Variants in GABRP observed in about 807,000 individuals in gnomAD.
GABRP encodes gamma-aminobutyric acid receptor subunit pi.
A neutral mutation model predicts 47.8 loss-of-function variants in GABRP; 52 were observed. The ratio of observed to expected loss-of-function variants is 1.09; its 90% CI spans 0.87 to 1.37. The LOEUF (loss-of-function observed/expected upper bound fraction) is 1.37, where lower values mean the gene tolerates loss of function less well. Ranked by LOEUF, GABRP falls within the 40% of genes most tolerant of loss-of-function variation. GABRP has a pLI of 0.00. For missense variants in GABRP, 525 were observed against 542.8 expected (o/e 0.97, Z 0.33); for synonymous variants, 221 against 205.8 (o/e 1.07, Z -0.63).
intron 3 of GABRP, among the ~76,000 whole-genome samples, chr5:170,792,154 T>C (rs1334285337): frequency 6.6e-6 from 1 of 152,142 alleles, no homozygotes; most frequent in African/African-American, 2.4e-5. Flanking sequence ...TGTGAAACTG[T>C]AGCATAGGCC....
chr5:170,807,396 T>C (rs931135064), intron 7 of GABRP, among the ~76,000 whole-genome samples: 9 of 152,226 alleles, frequency 5.9e-5, no homozygotes, highest in African/African-American at 2.2e-4. Flanking sequence ...ATATAAAAAA[T>C]GGCTTCAGTT....
At chr5:170,798,184 G>A (rs1293092264) in intron 6 of GABRP, among the ~76,000 whole-genome samples, 1 of 152,204 alleles carries the variant, frequency 6.6e-6, no homozygotes, top group Non-Finnish European at 1.5e-5. Flanking sequence ...CGGGACCACA[G>A]GCGCCCGCCA....
Position 170,797,122 on chromosome 5 carries a change from C to T in GABRP, c.459-344C>T, listed in dbSNP as rs536702532. ...AAGTGGTGACGATAGTGATGGTGAA[C>T]ACTGTTCTAGGCCCACCCAGGTCTG... On this transcript the variant is annotated intron_variant, in intron 5 of 9. Coordinates refer to ENST00000265294, the MANE Select transcript of GABRP (RefSeq NM_014211.3). Among the ~76,000 whole-genome samples the T allele has an allele frequency of 2.0e-5, 3 of 152,338 alleles. No homozygotes were observed. In the South Asian group the frequency reaches 6.2e-4, roughly 32 times the overall value.
At chr5:170,808,910 G>A (rs1316751618) in intron 8 of GABRP, among the ~76,000 whole-genome samples, 158 bp downstream of exon 8, 4 of 152,054 alleles carry the variant, frequency 2.6e-5, no homozygotes, top group African/African-American at 7.2e-5. Context: ...GACAGAAAGA[G>A]ACTACTTTAG....
At chr5:170,800,663 G>A (rs1434951883) in intron 6 of GABRP, among the ~76,000 whole-genome samples, 2 of 152,062 alleles carry the variant, frequency 1.3e-5, no homozygotes, top group Admixed American at 6.6e-5. Flanking sequence ...AGTAATAAAT[G>A]GGCAAGGCAC....
At chr5:170,785,286 A>G (rs1765098541) in intron 1 of GABRP, among the ~76,000 whole-genome samples, 1 of 152,216 alleles carries the variant, frequency 6.6e-6, no homozygotes, top group South Asian at 2.1e-4. Context: ...ATGCAGGGCA[A>G]AGAAAAGGGA....
intron 9 of GABRP, among the ~76,000 whole-genome samples, chr5:170,811,630 G>A (rs1362375659): frequency 6.6e-6 from 1 of 152,174 alleles, no homozygotes; most frequent in Non-Finnish European, 1.5e-5. Flanking sequence ...TTTCACAATA[G>A]TGAGAGGCCG....
chr5:170,806,864 A>G (rs7727431), intron 7 of GABRP, among the ~76,000 whole-genome samples: 40,129 of 152,066 alleles, frequency 0.26, 6,698 homozygotes, highest in African/African-American at 0.47. Flanking sequence ...AGAAGGAAAG[A>G]TGATTTTTTC....
intron 1 of GABRP, among the ~76,000 whole-genome samples, chr5:170,786,737 G>A (rs139738537): frequency 2.0e-5 from 3 of 152,278 alleles, no homozygotes; most frequent in Admixed American, 6.5e-5. Context: ...AAAGAGTTGT[G>A]AGGATTCTAG....
intron 2 of GABRP, 55 bp from the exon 3 acceptor site, chr5:170,789,074 A>T (rs1765197527): frequency 2.2e-6 from 3 of 1,357,390 alleles, no homozygotes. Context: ...GGGTGTGTAC[A>T]CGTGTTGATT....
At chr5:170,808,512 C>T (rs1765793322) in intron 7 of GABRP, 88 bp from the exon 8 acceptor site, 1 of 1,114,148 alleles carries the variant, frequency 9.0e-7, no homozygotes, top group African/African-American at 1.6e-5. Context: ...TGACAGAGGG[C>T]TTAATGTACA....
At chr5:170,792,593 C>T (rs907105153) in intron 3 of GABRP, among the ~76,000 whole-genome samples, 1 of 152,202 alleles carries the variant, frequency 6.6e-6, no homozygotes, top group Non-Finnish European at 1.5e-5. Flanking sequence ...CTCAGAGCTG[C>T]ACCTTGCTGC....
At position 170,805,790 on chromosome 5, in the gene GABRP, C is replaced by A; in HGVS notation, c.616C>A (p.Arg206=). Reference sequence around the variant, plus strand: ...CTCTGTGCGTGGACTGGAACACCTGCGGCTTGCTCAGTACACCATAGAGCG... The same window carrying A: ...CTCTGTGCGTGGACTGGAACACCTGAGGCTTGCTCAGTACACCATAGAGCG... ...NDSVRGLEHL[R]LAQYTIERYF... Residue 206 remains arginine (R), a synonymous_variant, in exon 7 of 10, where the codon CGG becomes AGG. Transcript: ENST00000265294. 6.8e-6 allele frequency: 11 copies of A among 1,614,200 alleles called. No homozygotes were observed. Among genetic ancestry groups the A allele is most frequent in the Non-Finnish European group, 9.3e-6 (11 of 1,180,034 alleles).
chr5:170,812,760 T>C lies in GABRP; in HGVS notation c.*502T>C, dbSNP rs1044622649. Reference sequence around the variant, plus strand: ...TGAAATATGGGCTTATGTCAATTCATTGGAAGTCAATGCACTAACTCAATA... The same window carrying C: ...TGAAATATGGGCTTATGTCAATTCACTGGAAGTCAATGCACTAACTCAATA... On this transcript the variant is annotated 3_prime_UTR_variant, in exon 10 of 10. Transcript: ENST00000265294. The C allele has an allele frequency of 6.5e-6, 1 of 153,738 alleles. No homozygotes were observed. Among genetic ancestry groups the C allele is most frequent in the African/African-American group, 2.4e-5 (1 of 41,456 alleles). The allele number at this position is 153,738 out of a possible 1,614,324, so 9.5% of individuals were successfully genotyped here.
intron 9 of GABRP, chr5:170,810,146 C>A: frequency 2.1e-6 from 1 of 468,518 alleles, no homozygotes; most frequent in African/African-American, 2.0e-5. Flanking sequence ...TTAAATTATA[C>A]AAGTAATGCT....
intron 6 of GABRP, among the ~76,000 whole-genome samples, chr5:170,802,863 TTC>T (rs143114604): frequency 0.15 from 19,473 of 133,900 alleles, 1,213 homozygotes; most frequent in East Asian, 0.19. Context: ...GGAGGGAGCT[TTC>T]TCTGAATGTT....
At chr5:170,802,912 G>T (rs1035098069) in intron 6 of GABRP, among the ~76,000 whole-genome samples, 3 of 152,138 alleles carry the variant, frequency 2.0e-5, no homozygotes, top group Admixed American at 2.0e-4. Flanking sequence ...CTCACTATGG[G>T]TTTTTTTCTA....
At chr5:170,802,600 G>A (rs767614618) in intron 6 of GABRP, among the ~76,000 whole-genome samples, 6 of 152,314 alleles carry the variant, frequency 3.9e-5, no homozygotes, top group Admixed American at 1.3e-4. Flanking sequence ...ATTACCTTCC[G>A]TGTATCGTGG....
chr5:170,783,722 G>A (rs1004521659), upstream of GABRP: 2 of 152,274 alleles, frequency 1.3e-5, no homozygotes, highest in Non-Finnish European at 1.5e-5. Flanking sequence ...TCCCCAGAGA[G>A]CCACTCCATC....
Sources: gnomAD v4.1 joint callset for allele counts (sites outside exome capture counted in the v4.1 genomes callset) on GRCh38, gnomAD v4.1.1 for gene constraint, MANE v1.5 for transcripts, NCBI Gene and HGNC (gene_info 2026-07-23, HGNC 2026-07-21) for gene names.